The following TDRD9 variants were observed in gnomAD, a reference collection of about 807,000 sequenced individuals.
TDRD9 encodes the protein tudor domain containing 9.
TDRD9 carries 124 observed loss-of-function variants against 172.6 expected under a neutral mutation model. The observed-to-expected ratio is 0.72, with a 90% CI of 0.62 to 0.83. The LOEUF is 0.83. Ranked by LOEUF, TDRD9 falls within the 40% of genes least tolerant of loss-of-function variation. TDRD9 has a pLI of 0.00. For missense variants in TDRD9, 1,479 were observed against 1,714.1 expected, an observed-to-expected ratio of 0.86 and a Z score of 2.42; for synonymous variants, 619 against 617.1, an observed-to-expected ratio of 1.00 and a Z score of -0.05.
chr14:104,041,076 C>T (rs578211956), intron 33 of TDRD9, among the ~76,000 whole-genome samples: 44 of 152,214 alleles, frequency 2.9e-4, no homozygotes, highest in South Asian at 1.2e-3. Flanking sequence ...TTCCATGAGA[C>T]GGGTGAGGTT....
At chr14:104,025,444 A>T in intron 25 of TDRD9, 120 bp from the exon 26 acceptor site, 1 of 727,850 alleles carries the variant, frequency 1.4e-6, no homozygotes, top group Non-Finnish European at 2.3e-6. Flanking sequence ...TTATGTTCCG[A>T]GGATTAACGC....
chr14:103,953,954 G>A (rs1361915941), intron 1 of TDRD9, among the ~76,000 whole-genome samples: 1 of 152,132 alleles, frequency 6.6e-6, no homozygotes, highest in East Asian at 1.9e-4. Context: ...CAGAAAAAAT[G>A]TTTTACCAGC....
intron 35 of TDRD9, 60 bp from the exon 36 acceptor site, chr14:104,051,921 T>C (rs2035945712): frequency 2.7e-6 from 3 of 1,123,152 alleles, no homozygotes; most frequent in Middle Eastern, 2.0e-4. Context: ...TGCATGTGTA[T>C]TTTATGTCTG....
intron 35 of TDRD9, 33 bp from the exon 36 acceptor site, chr14:104,051,948 G>A: frequency 6.8e-7 from 1 of 1,465,180 alleles, no homozygotes; most frequent in Non-Finnish European, 9.4e-7. Flanking sequence ...CCCTGTCACA[G>A]AGCCTGACTG....
intron 7 of TDRD9, among the ~76,000 whole-genome samples, chr14:103,984,902 C>A (rs560398632): frequency 6.6e-6 from 1 of 152,306 alleles, no homozygotes; most frequent in Non-Finnish European, 1.5e-5. Context: ...CATGGGAACC[C>A]AGCTCTTGCA....
intron 26 of TDRD9, 106 bp from the exon 27 acceptor site, chr14:104,025,941 A>G: frequency 1.0e-6 from 1 of 991,950 alleles, no homozygotes; most frequent in Non-Finnish European, 1.5e-6. Context: ...GGTCACTCCA[A>G]GAATTCTATA....
Position 104,032,090 on chromosome 14 carries a change from A to G in TDRD9, c.3509+3A>G, listed in dbSNP as rs2152252529. ...TTGACCAGAATATCCAAATTCAGGT[A>G]TGATTAACTTAAGTTTTCCATGAAT... On this transcript the variant is annotated splice_donor_region_variant and intron_variant, in intron 30 of 35. Transcript: ENST00000409874. The G allele has an allele frequency of 6.5e-7, 1 of 1,536,512 alleles. No homozygotes were observed. Among genetic ancestry groups the G allele is most frequent in the Non-Finnish European group, 8.8e-7 (1 of 1,139,506 alleles).
chr14:103,951,891 G>A (rs1024963407), intron 1 of TDRD9, among the ~76,000 whole-genome samples: 2 of 149,516 alleles, frequency 1.3e-5, no homozygotes, highest in African/African-American at 2.5e-5. Context: ...CTCAGCCTCC[G>A]GAGTAGCTGG....
At chr14:103,979,436 C>G (rs1566755673) in intron 7 of TDRD9, among the ~76,000 whole-genome samples, 1 of 152,226 alleles carries the variant, frequency 6.6e-6, no homozygotes, top group South Asian at 2.1e-4. Context: ...GCACTGGCCT[C>G]TGCTCAGGGA....
intron 32 of TDRD9, among the ~76,000 whole-genome samples, chr14:104,037,187 G>T (rs1482874448): frequency 6.6e-6 from 1 of 152,170 alleles, no homozygotes; most frequent in Non-Finnish European, 1.5e-5. Context: ...GTACAGAACT[G>T]GCCCAGGGGT....
intron 28 of TDRD9, among the ~76,000 whole-genome samples, chr14:104,029,656 G>T (rs2035223378): frequency 6.6e-6 from 1 of 152,074 alleles, no homozygotes; most frequent in Non-Finnish European, 1.5e-5. Flanking sequence ...TAATTTGGAT[G>T]CCCTTTCTTT....
At chr14:103,998,579 T>C in intron 12 of TDRD9, 45 bp from the exon 13 acceptor site, 1 of 999,852 alleles carries the variant, frequency 1.0e-6, no homozygotes, top group Non-Finnish European at 1.6e-6. Context: ...TATGCAATGA[T>C]CTCTTATTAG....
chr14:103,985,544 C>T (rs2033630263), intron 7 of TDRD9, among the ~76,000 whole-genome samples: 1 of 152,132 alleles, frequency 6.6e-6, no homozygotes, highest in Non-Finnish European at 1.5e-5. Context: ...GACTAATGCA[C>T]AGCCTGACTT....
At position 104,032,088 on chromosome 14, in the gene TDRD9, G is replaced by T; in HGVS notation, c.3509+1G>T. 6.5e-7 allele frequency: 1 copy of T among 1,539,512 alleles called. No homozygotes were observed. The highest frequency in any genetic ancestry group is 1.4e-5 in the African/African-American group (1 of 72,564). ...GTTTGACCAGAATATCCAAATTCAG[G>T]TATGATTAACTTAAGTTTTCCATGA... On this transcript the variant is annotated splice_donor_variant, in intron 30 of 35. Coordinates refer to ENST00000409874, the MANE Select transcript of TDRD9 (RefSeq NM_153046.3). LOFTEE classifies it high-confidence loss of function.
intron 33 of TDRD9, among the ~76,000 whole-genome samples, chr14:104,041,162 A>T (rs941947): frequency 6.6e-6 from 1 of 152,152 alleles, no homozygotes. Flanking sequence ...GGCAGGTATC[A>T]GTGTTGTCTC....
chr14:104,049,120 A>ATGTGTGTG (rs368678111), intron 34 of TDRD9, among the ~76,000 whole-genome samples: 3 of 101,874 alleles, frequency 2.9e-5, no homozygotes, highest in East Asian at 5.8e-4. Context: ...GTATGTATGT[A>ATGTGTGTG]TGTGTGTGTG....
intron 8 of TDRD9, among the ~76,000 whole-genome samples, chr14:103,989,866 G>A (rs1238861771): frequency 6.6e-6 from 1 of 152,250 alleles, no homozygotes; most frequent in Admixed American, 6.5e-5. Context: ...CACAGGCAGG[G>A]CCTCTTGCCC....
intron 13 of TDRD9, among the ~76,000 whole-genome samples, chr14:104,001,960 A>G (rs1306460756): frequency 6.6e-6 from 1 of 151,634 alleles, no homozygotes; most frequent in Non-Finnish European, 1.5e-5. Context: ...TGGCTGTGTC[A>G]TTTTACATTC....
intron 25 of TDRD9, 69 bp downstream of exon 25, chr14:104,024,749 T>TACACACACACACAC (rs60394937): frequency 2.4e-6 from 1 of 415,200 alleles, no homozygotes; most frequent in African/African-American, 2.1e-5. Flanking sequence ...ACAGGAAGTT[T>TACACACACACACAC]ACACACACAC....
Sources: allele counts gnomAD v4.1 joint callset (sites outside exome capture counted in the v4.1 genomes callset), GRCh38; gene constraint gnomAD v4.1.1; transcripts MANE v1.5; gene names NCBI Gene and HGNC (gene_info 2026-07-23, HGNC 2026-07-21).